CLCN6: variants seen among roughly 807,000 people sequenced by gnomAD.
CLCN6 encodes Cl-/H+ antiporter 6.
A neutral mutation model predicts 109.8 loss-of-function variants in CLCN6; 70 were observed. The observed-to-expected ratio is 0.64, with a 90% confidence interval of 0.53 to 0.78. The LOEUF (loss-of-function observed/expected upper bound fraction) is 0.78, where lower values mean the gene tolerates loss of function less well. Ranked by LOEUF, CLCN6 falls within the 30% of genes least tolerant of loss-of-function variation. The pLI is 0.00. For missense variants in CLCN6, 984 were observed against 1,142.3 expected (o/e 0.86, Z 2.00); for synonymous variants, 444 against 447.8 (o/e 0.99, Z 0.11).
At chr1:11,832,261 C>T (rs557680504) in intron 13 of CLCN6, among the ~76,000 whole-genome samples, 12 of 152,328 alleles carry the variant, frequency 7.9e-5, no homozygotes, top group Admixed American at 3.9e-4. Context: ...TCCTTCTCAA[C>T]GTCACTAGAG....
At chr1:11,816,095 A>C in intron 3 of CLCN6, 184 bp downstream of exon 3, 2 of 572,804 alleles carry the variant, frequency 3.5e-6, no homozygotes, top group South Asian at 4.5e-5. Flanking sequence ...AGGTTTTACA[A>C]ACTGGAGGTT....
chr1:11,834,046 G>A lies in CLCN6; in HGVS notation c.1526+16G>A. Reference sequence around the variant, plus strand: ...TCCTAAAAAGGTACTCTGTGTGTGTGCGTGTGTGTGCGCATGTGCATGTGT... The same window carrying A: ...TCCTAAAAAGGTACTCTGTGTGTGTACGTGTGTGTGCGCATGTGCATGTGT... On this transcript the variant is annotated intron_variant, in intron 15 of 22. Coordinates refer to ENST00000346436, the MANE Select transcript of CLCN6 (RefSeq NM_001286.5). The surrounding 1 kb of genome is among the most constrained non-coding windows in gnomAD (Gnocchi z 4.5). 1 of 1,612,598 alleles carries A rather than the reference G, an allele frequency of 6.2e-7. No homozygotes were observed. The highest frequency in any genetic ancestry group is 8.5e-7 in the Non-Finnish European group (1 of 1,179,142).
intron 6 of CLCN6, among the ~76,000 whole-genome samples, chr1:11,823,477 C>CAA (rs35345671): frequency 0.03 from 4,327 of 142,696 alleles, 179 homozygotes; most frequent in African/African-American, 0.1. Flanking sequence ...AACTCTACCT[C>CAA]AAAAAAAAAA....
chr1:11,822,618 A>G (rs1336078692), intron 5 of CLCN6, 77 bp from the exon 6 acceptor site: 1 of 832,462 alleles, frequency 1.2e-6, no homozygotes. Flanking sequence ...CCAAAGGAGA[A>G]GCAGCTGCAC....
At chr1:11,837,191 G>T in intron 19 of CLCN6, 35 bp downstream of exon 19, 1 of 1,610,252 alleles carries the variant, frequency 6.2e-7, no homozygotes. Flanking sequence ...TGCCCGCAGG[G>T]CTACACAGCG....
intron 13 of CLCN6, among the ~76,000 whole-genome samples, chr1:11,831,943 A>G (rs748302398): frequency 6.6e-6 from 1 of 152,240 alleles, no homozygotes; most frequent in Non-Finnish European, 1.5e-5. Flanking sequence ...CTAGGATTAT[A>G]GACACAAGCC....
intron 4 of CLCN6, among the ~76,000 whole-genome samples, chr1:11,818,091 G>A (rs920159682): frequency 1.3e-5 from 2 of 151,442 alleles, no homozygotes; most frequent in East Asian, 3.9e-4. Context: ...GGGAGACCCT[G>A]TCTCCTTAAA....
Position 11,838,314 on chromosome 1 carries a change from G to A in CLCN6, c.2296-21G>A, listed in dbSNP as rs1644975393. 5.6e-6 allele frequency: 9 copies of A among 1,610,496 alleles called. No individual in the cohort carries two copies. The South Asian group carries it at 9.9e-5, about 18-fold the overall frequency. On this transcript the variant is annotated intron_variant, in intron 20 of 22. Coordinates refer to ENST00000346436, the MANE Select transcript of CLCN6 (RefSeq NM_001286.5). ...GGCCACTGCTGCCTGAGCACGGACA[G>A]TGTCTGGGTTGGAATTGCAGAGCGC... is the stretch of plus-strand genomic sequence containing the variant.
chr1:11,820,035 G>T (rs1333595495), intron 5 of CLCN6, among the ~76,000 whole-genome samples: 1 of 152,208 alleles, frequency 6.6e-6, no homozygotes, highest in Non-Finnish European at 1.5e-5. Flanking sequence ...TCATATTGGT[G>T]CAGGAATACC....
At position 11,841,275 on chromosome 1, in the gene CLCN6, C is replaced by G. The variant is rs55773965; in HGVS notation, c.*1052C>G. 1 of 152,784 alleles carries G rather than the reference C, an allele frequency of 6.5e-6. No individual in the cohort carries two copies. The highest frequency in any genetic ancestry group is 1.9e-4 in the East Asian group (1 of 5,180). 9.5% of individuals were successfully genotyped at this position (152,784 alleles called of 1,614,324 possible). A position where few individuals can be genotyped will look rare whatever the true frequency, so the allele number is the denominator to read the frequency against. On this transcript the variant is annotated 3_prime_UTR_variant, in exon 23 of 23. Transcript: ENST00000346436. ...GTGTCTGCCCTTCACAAACACCTCT[C>G]TCTCCCCTGCACTAGCTGTCCCAAG... is the stretch of plus-strand genomic sequence containing the variant.
chr1:11,834,069 T>C lies in CLCN6; in HGVS notation c.1526+39T>C, dbSNP rs544787605. On this transcript the variant is annotated intron_variant, in intron 15 of 22. Transcript: ENST00000346436. This position sits in a 1 kb window ranked among gnomAD's most constrained non-coding sequence, Gnocchi z 4.5. ...GTGCGTGTGTGTGCGCATGTGCATGTGTGTGCACGTGTGCGTGTGTATGCA... is the reference window on the plus strand; with the variant it reads ...GTGCGTGTGTGTGCGCATGTGCATGCGTGTGCACGTGTGCGTGTGTATGCA... The C allele has an allele frequency of 6.2e-7, 1 of 1,605,400 alleles. No individual in the cohort carries two copies. Among genetic ancestry groups the C allele is most frequent in the South Asian group, 1.1e-5 (1 of 90,424 alleles).
intron 4 of CLCN6, among the ~76,000 whole-genome samples, chr1:11,818,275 T>C (rs1413290908): frequency 6.6e-6 from 1 of 152,300 alleles, no homozygotes; most frequent in East Asian, 1.9e-4. Flanking sequence ...ACAGGTTGAG[T>C]GTTCCTTATC....
rs182541220 is a variant in CLCN6, at chr1:11,807,986, A to G, written c.147+796A>G. On this transcript the variant is annotated intron_variant, in intron 2 of 22. Transcript: ENST00000346436. ...TTTTTTGACAGAGTCTCACTCTTCC[A>G]TAAATTCTTCATGCTGTAGAATTTA... 3.6e-4 allele frequency among the ~76,000 whole-genome samples: 55 copies of G among 152,196 alleles called. No homozygotes were observed. In the East Asian group the frequency reaches 7.3e-3, roughly 20 times the overall value.
intron 4 of CLCN6, among the ~76,000 whole-genome samples, chr1:11,817,802 A>C (rs1188772857): frequency 6.6e-6 from 1 of 152,228 alleles, no homozygotes; most frequent in African/African-American, 2.4e-5. Flanking sequence ...GGGGCCAACC[A>C]CAATTTTTAT....
At chr1:11,813,016 A>G (rs1226809911) in intron 2 of CLCN6, among the ~76,000 whole-genome samples, 1 of 152,182 alleles carries the variant, frequency 6.6e-6, no homozygotes. Flanking sequence ...ATTTCCAAAG[A>G]GAATCATTCA....
chr1:11,826,129 T>C (rs1487855472), intron 8 of CLCN6, 27 bp from the exon 9 acceptor site: 2 of 1,582,110 alleles, frequency 1.3e-6, no homozygotes, highest in Non-Finnish European at 1.7e-6. Flanking sequence ...GTAGGCTCTT[T>C]AGTGGCTCTC....
intron 8 of CLCN6, among the ~76,000 whole-genome samples, chr1:11,825,204 C>A (rs972269559): frequency 1.3e-5 from 2 of 152,216 alleles, no homozygotes. Context: ...TCATTTCCCT[C>A]TCCAGTCCTG....
chr1:11,835,658 G>T (rs1644934756), intron 17 of CLCN6, among the ~76,000 whole-genome samples: 1 of 152,222 alleles, frequency 6.6e-6, no homozygotes, highest in African/African-American at 2.4e-5. Flanking sequence ...AGGGCACCGA[G>T]GAGGGCGTGG....
Position 11,826,223 on chromosome 1 carries a change from A to G in CLCN6, c.707+9A>G. On this transcript the variant is annotated intron_variant, in intron 9 of 22. Transcript: ENST00000346436. The stretch of plus-strand genomic sequence containing the variant: ...TATTTCCGAAGCGACAGGTATGGAA[A>G]GGTTAGAAATTGGTTTCTTTTTTGG... 1.2e-6 allele frequency: 2 copies of G among 1,611,764 alleles called. No individual in the cohort carries two copies. Among genetic ancestry groups the G allele is most frequent in the Non-Finnish European group, 1.7e-6 (2 of 1,177,848 alleles).
Sources: allele counts gnomAD v4.1 joint callset (sites outside exome capture counted in the v4.1 genomes callset), GRCh38; gene constraint gnomAD v4.1.1; non-coding constraint Gnocchi (gnomAD v3.1); transcripts MANE v1.5; gene names NCBI Gene and HGNC (gene_info 2026-07-23, HGNC 2026-07-21).